The following DNAJB1 variants were observed in gnomAD, a reference collection of about 807,000 sequenced individuals.
The protein encoded by DNAJB1 is dnaJ homolog subfamily B member 1.
Under a neutral mutation model 24.0 loss-of-function variants are expected in DNAJB1, and 14 were observed. The observed-to-expected ratio is 0.58, with a 90% CI of 0.39 to 0.91. DNAJB1 has a LOEUF of 0.91. Among genes scored for constraint, DNAJB1 ranks in the 40% least tolerant of loss-of-function variants. The pLI is 0.00. For synonymous variants in DNAJB1, 262 were observed against 174.4 expected, an observed-to-expected ratio of 1.50 and a Z score of -3.96; for missense variants, 517 against 458.1, an observed-to-expected ratio of 1.13 and a Z score of -1.17.
At chr19:14,528,159 C>G (rs1011899345) in intron 1 of DNAJB1, among the ~76,000 whole-genome samples, 1 of 152,054 alleles carries the variant, frequency 6.6e-6, no homozygotes, top group Non-Finnish European at 1.5e-5. Flanking sequence ...GCTGGGATTA[C>G]AGGTGTGAGC....
At chr19:14,518,029 G>GC in intron 1 of DNAJB1, 110 bp downstream of exon 1, 1 of 1,209,400 alleles carries the variant, frequency 8.3e-7, no homozygotes, top group Non-Finnish European at 1.1e-6. Context: ...GGGCAGCTCG[G>GC]CCCCACGGCC....
chr19:14,542,345 G>GTGTTTTTTTTT (rs2073124107), intron 1 of DNAJB1, among the ~76,000 whole-genome samples: 1 of 61,000 alleles, frequency 1.6e-5, no homozygotes, highest in African/African-American at 5.2e-5. Flanking sequence ...TCATGCCATA[G>GTGTTTTTTTTT]TGTTTTTTTT....
At chr19:14,555,530 C>A (rs1720880593) in intron 1 of DNAJB1, among the ~76,000 whole-genome samples, 1 of 150,032 alleles carries the variant, frequency 6.7e-6, no homozygotes, top group Admixed American at 6.7e-5. Context: ...ACCACAACCT[C>A]CATCTCCTGG....
chr19:14,515,518 T>C lies in DNAJB1; in HGVS notation c.*422A>G, dbSNP rs1309472602. 1 of 184,066 alleles carries C rather than the reference T, an allele frequency of 5.4e-6. No individual in the cohort carries two copies. The highest frequency in any genetic ancestry group is 1.8e-4 in the East Asian group (1 of 5,518). The allele number at this position is 184,066 out of a possible 1,614,324, so 11.4% of individuals were successfully genotyped here. A position where few individuals can be genotyped will look rare whatever the true frequency, so the allele number is the denominator to read the frequency against. ...AAATACAGAATAAAGCACAAACTGATCACACAACAGAAAAGGAGGAGTGTA... is the reference window on the plus strand; with the variant it reads ...AAATACAGAATAAAGCACAAACTGACCACACAACAGAAAAGGAGGAGTGTA... On this transcript the variant is annotated 3_prime_UTR_variant, in exon 3 of 3. Coordinates refer to ENST00000254322, the MANE Select transcript of DNAJB1 (RefSeq NM_006145.3).
At chr19:14,516,303 C>T in intron 2 of DNAJB1, 133 bp from the exon 3 acceptor site, 2 of 1,276,124 alleles carry the variant, frequency 1.6e-6, no homozygotes, top group East Asian at 2.5e-5. Flanking sequence ...CTACACGTCC[C>T]CACCACGAAA....
chr19:14,518,560 G>C, upstream of DNAJB1: 1 of 375,868 alleles, frequency 2.7e-6, no homozygotes, highest in Admixed American at 4.8e-5. Context: ...CGCCGTCAAC[G>C]GCCGCCCGCG....
In DNAJB1 at chr19:14,518,373, C is replaced by A; in HGVS notation, c.-24G>T. The stretch of plus-strand genomic sequence containing the variant: ...ATGACCCCCTCCTGCGGCCCGCCGA[C>A]CCGCTGTCGCCGTCCCCCGGCTCCG... On this transcript the variant is annotated 5_prime_UTR_variant, in exon 1 of 3. Coordinates refer to ENST00000254322, the MANE Select transcript of DNAJB1 (RefSeq NM_006145.3). The A allele has an allele frequency of 3.3e-6, 5 of 1,529,012 alleles. No homozygotes were observed. Among genetic ancestry groups the A allele is most frequent in the Non-Finnish European group, 4.4e-6 (5 of 1,148,294 alleles). The allele number at this position is 1,529,012 out of a possible 1,614,324, so 94.7% of individuals were successfully genotyped here. A position where few individuals can be genotyped will look rare whatever the true frequency, so the allele number is the denominator to read the frequency against.
At position 14,516,693 on chromosome 19, in the gene DNAJB1, G is replaced by C; in HGVS notation, c.565C>G (p.Arg189Gly). The change falls in exon 2 of 3, where the codon CGG becomes GGG. Residue 189 changes from arginine to glycine, a missense_variant. Arg to Gly is a moderately radical substitution (Grantham distance 125). Coordinates refer to ENST00000254322, the MANE Select transcript of DNAJB1 (RefSeq NM_006145.3). ...ATGCTCTTTCCGTCGGGGTTTAGCC[G>C]CTTGTGGGAGATTTTCATCTTCTTG... ...CTKKMKISHKRLNPDGKSIRN... is the reference protein window; with the variant it reads ...CTKKMKISHKGLNPDGKSIRN... The C allele has an allele frequency of 6.2e-7, 1 of 1,614,124 alleles. No individual in the cohort carries two copies. The highest frequency in any genetic ancestry group is 8.5e-7 in the Non-Finnish European group (1 of 1,180,020).
chr19:14,517,089 A>ACT (rs1178004000), intron 1 of DNAJB1, 43 bp from the exon 2 acceptor site: 2 of 1,552,782 alleles, frequency 1.3e-6, no homozygotes, highest in Admixed American at 3.7e-5. Context: ...TGAACAGCAG[A>ACT]CTCTCTCTCG....
upstream of DNAJB1, chr19:14,529,447 C>A: frequency 1.6e-6 from 1 of 632,802 alleles, no homozygotes; most frequent in South Asian, 1.7e-5. Context: ...CGATTGGTCT[C>A]GCAAGTTGAT....
upstream of DNAJB1, chr19:14,532,536 G>C (rs201301933): frequency 6.9e-6 from 1 of 145,740 alleles, no homozygotes; most frequent in East Asian, 2.0e-4. Flanking sequence ...AAAAAAAAAA[G>C]GGAAGCTTCA....
intron 1 of DNAJB1, chr19:14,517,891 G>C (rs924601030): frequency 5.1e-5 from 20 of 392,062 alleles, no homozygotes; most frequent in Admixed American, 5.1e-4. Flanking sequence ...GGGGCCGCGG[G>C]AGGAGGCGCC....
chr19:14,548,850 C>T (rs917504206), intron 1 of DNAJB1, among the ~76,000 whole-genome samples: 1 of 152,102 alleles, frequency 6.6e-6, no homozygotes, highest in Non-Finnish European at 1.5e-5. Context: ...GCTGTGATTA[C>T]AGGCGGGAGC....
chr19:14,529,905 A>G (rs1173640063), upstream of DNAJB1: 1 of 766,506 alleles, frequency 1.3e-6, no homozygotes, highest in Non-Finnish European at 2.2e-6. Flanking sequence ...GTATTTATAA[A>G]TCTGCAACCC....
At chr19:14,516,379 A>AC in intron 2 of DNAJB1, 87 bp downstream of exon 2, 1 of 1,443,952 alleles carries the variant, frequency 6.9e-7, no homozygotes, top group Non-Finnish European at 9.4e-7. Flanking sequence ...CGCACCACAC[A>AC]CCCCAACACA....
chr19:14,521,902 G>A (rs185848348), upstream of DNAJB1, among the ~76,000 whole-genome samples: 1 of 152,078 alleles, frequency 6.6e-6, no homozygotes, highest in Non-Finnish European at 1.5e-5. Flanking sequence ...GATTACAGGC[G>A]TGAGCCACCA....
intron 1 of DNAJB1, among the ~76,000 whole-genome samples, chr19:14,556,266 C>T (rs1202491663): frequency 6.6e-6 from 1 of 152,124 alleles, no homozygotes; most frequent in Non-Finnish European, 1.5e-5. Context: ...ACTGGTTCCC[C>T]CACTGTCTAC....
At chr19:14,558,749 A>G (rs2146621254) in intron 1 of DNAJB1, among the ~76,000 whole-genome samples, 1 of 152,144 alleles carries the variant, frequency 6.6e-6, no homozygotes, top group Middle Eastern at 3.4e-3. Flanking sequence ...ATCCACCCAG[A>G]GCATCTCAGC....
At chr19:14,525,755 C>T (rs1377145587) in intron 2 of DNAJB1, among the ~76,000 whole-genome samples, 4 of 151,436 alleles carry the variant, frequency 2.6e-5, no homozygotes, top group African/African-American at 9.7e-5. Context: ...GTGTTCAGAG[C>T]TGTACACTAA....
Sources: allele counts gnomAD v4.1 joint callset (sites outside exome capture counted in the v4.1 genomes callset), GRCh38; gene constraint gnomAD v4.1.1; transcripts MANE v1.5; gene names NCBI Gene and HGNC (gene_info 2026-07-23, HGNC 2026-07-21).